The following ECH1 variants were observed in gnomAD, a reference collection of about 807,000 sequenced individuals.
ECH1 encodes enoyl-CoA hydratase 1.
In ECH1, 30 loss-of-function variants were observed where a neutral mutation model predicts 37.0. The observed-to-expected ratio is 0.81, with a 90% CI of 0.61 to 1.10. The LOEUF (loss-of-function observed/expected upper bound fraction) is 1.10, where lower values mean the gene tolerates loss of function less well. Ranked by LOEUF, ECH1 falls within the 50% of genes least tolerant of loss-of-function variation. The pLI, the probability that ECH1 is intolerant of heterozygous loss-of-function variation, is 0.00. For synonymous variants in ECH1, 178 were observed against 176.0 expected (o/e 1.01, Z -0.09); for missense variants, 456 against 441.6 (o/e 1.03, Z -0.29).
intron 3 of ECH1, among the ~76,000 whole-genome samples, chr19:38,818,932 T>TGTGTGTGTGTGTGC (rs144733422): frequency 1.3e-4 from 19 of 142,858 alleles, no homozygotes; most frequent in African/African-American, 5.0e-4. Flanking sequence ...TGTGTGTGTG[T>TGTGTGTGTGTGTGC]GCACTGTTCC....
At position 38,815,874 on chromosome 19, in the gene ECH1, C is replaced by A. The variant is rs767402572; in HGVS notation, c.865G>T (p.Glu289Ter). The A allele has an allele frequency of 6.8e-6, 11 of 1,614,180 alleles. No individual in the cohort carries two copies. The highest frequency in any genetic ancestry group is 1.3e-5 in the African/African-American group (1 of 75,058). The change falls in exon 9 of 10, where the codon GAG (glutamate) becomes TAG (stop). Residue 289 changes from glutamate (E) to a stop codon, truncating the protein, a stop_gained. Coordinates refer to ENST00000221418, the MANE Select transcript of ECH1 (RefSeq NM_001398.3). LOFTEE classifies it low-confidence loss of function (END_TRUNC). ...LLYSRDHSVA[E>*]SLNYVASWNM... The stretch of plus-strand genomic sequence containing the variant: ...CACCTTACCACGTAGTTGAGGCTCT[C>A]GGCCACCGAATGGTCGCGGGAATAC...
Position 38,816,992 on chromosome 19 carries a change from C to T in ECH1, c.588+73G>A, listed in dbSNP as rs2287952. On this transcript the variant is annotated intron_variant, in intron 6 of 9. Transcript: ENST00000221418. Reference sequence around the variant, plus strand: ...AACTCCGACTCTTCCATGAAGCCCTCGAGGCTCACTCCAGGCCCCCCAACC... The same window carrying T: ...AACTCCGACTCTTCCATGAAGCCCTTGAGGCTCACTCCAGGCCCCCCAACC... 1.3e-3 allele frequency: 1,998 copies of T among 1,496,012 alleles called. 32 individuals carry two copies. The East Asian group carries it at 0.025, about 19-fold the overall frequency. The allele number at this position is 1,496,012 out of a possible 1,614,324, so 92.7% of individuals were successfully genotyped here.
intron 2 of ECH1, 22 bp from the exon 3 acceptor site, chr19:38,831,188 G>A: frequency 6.2e-7 from 1 of 1,613,522 alleles, no homozygotes; most frequent in Non-Finnish European, 8.5e-7. Flanking sequence ...CGAGTGAAGG[G>A]TTACAAATGG....
chr19:38,831,785 C>A lies in ECH1; in HGVS notation c.-13G>T, dbSNP rs747455186. 3.1e-6 allele frequency: 5 copies of A among 1,612,510 alleles called. No individual in the cohort carries two copies. In the African/African-American group the frequency reaches 5.3e-5, roughly 17 times the overall value. On this transcript the variant is annotated 5_prime_UTR_variant, in exon 1 of 10. Coordinates refer to ENST00000221418, the MANE Select transcript of ECH1 (RefSeq NM_001398.3). ...TCCCCGCCGCCATCGCCGCCGCCTT[C>A]GTCTACTGCGTTCGGACGGAGTAAC...
intron 3 of ECH1, among the ~76,000 whole-genome samples, chr19:38,828,759 G>T (rs527920189): frequency 1.3e-5 from 2 of 151,862 alleles, no homozygotes; most frequent in African/African-American, 4.8e-5. Context: ...GGGACTAAAG[G>T]TGCCCGCCAC....
chr19:38,817,605 AG>A, intron 3 of ECH1, 30 bp from the exon 4 acceptor site: 2 of 1,563,112 alleles, frequency 1.3e-6, no homozygotes, highest in Non-Finnish European at 8.7e-7. Context: ...GAGCTCATCC[AG>A]GCTCCCAGGC....
In ECH1 at chr19:38,831,761, C is replaced by G; in HGVS notation, c.12G>C (p.Gly4=). 3.1e-6 allele frequency: 5 copies of G among 1,613,390 alleles called. No individual in the cohort carries two copies. Among genetic ancestry groups the G allele is most frequent in the African/African-American group, 1.3e-5 (1 of 75,056 alleles). Residue 4 remains glycine (G), a synonymous_variant, in exon 1 of 10, where the codon GGG becomes GGC. Transcript: ENST00000221418. ...CGCGGAGTCTGCGAGAAGCCACTAT[C>G]CCCGCCGCCATCGCCGCCGCCTTCG... The part of the protein sequence containing the change: MAA[G]IVASRRLRDL...
At chr19:38,831,638 A>C in intron 1 of ECH1, 83 bp downstream of exon 1, 8 of 1,586,896 alleles carry the variant, frequency 5.0e-6, no homozygotes, top group Non-Finnish European at 6.9e-6. Flanking sequence ...GCCCTTCGTG[A>C]CCCCGGATAG....
chr19:38,822,862 CCATGCTA>C (rs1201606290), intron 3 of ECH1: 4 of 152,506 alleles, frequency 2.6e-5, no homozygotes, highest in African/African-American at 4.8e-5. Context: ...ACGTCCCCTT[CCATGCTA>C]TGGAAGCTCT....
At chr19:38,818,081 C>T (rs555944108) in intron 3 of ECH1, 3 of 414,456 alleles carry the variant, frequency 7.2e-6, no homozygotes, top group Non-Finnish European at 9.7e-6. Context: ...TGCTCTTGAA[C>T]TCCTGGGCTC....
intron 3 of ECH1, chr19:38,820,244 TAG>T (rs1475156807): frequency 6.6e-6 from 1 of 152,076 alleles, no homozygotes; most frequent in African/African-American, 2.4e-5. Context: ...ACATTTTTAG[TAG>T]AGACGGGGTT....
chr19:38,824,134 C>G (rs1971704465), intron 3 of ECH1, among the ~76,000 whole-genome samples: 1 of 152,182 alleles, frequency 6.6e-6, no homozygotes, highest in Non-Finnish European at 1.5e-5. Flanking sequence ...GAGATCCCTT[C>G]CCTCCCTCAG....
intron 3 of ECH1, among the ~76,000 whole-genome samples, chr19:38,826,553 T>C (rs1402547518): frequency 6.6e-6 from 1 of 152,202 alleles, no homozygotes; most frequent in Non-Finnish European, 1.5e-5. Flanking sequence ...GAGGCAGTAA[T>C]TTCTCTATAT....
intron 5 of ECH1, 29 bp downstream of exon 5, chr19:38,817,287 C>A: frequency 6.5e-7 from 1 of 1,533,712 alleles, no homozygotes; most frequent in South Asian, 1.2e-5. Context: ...CTGGGGAGCA[C>A]CCGAGCAGGA....
Position 38,831,293 on chromosome 19 carries a change from G to A in ECH1, c.260+16C>T, listed in dbSNP as rs1971818057. The A allele has an allele frequency of 6.2e-7, 1 of 1,607,728 alleles. No individual in the cohort carries two copies. Among genetic ancestry groups the A allele is most frequent in the Non-Finnish European group, 8.5e-7 (1 of 1,175,476 alleles). ...CCTCCCCCCGCAGGCAGGCCTCCAGGATCTGCAGGTCAGACCTCCAGAAGA... is the reference window on the plus strand; with the variant it reads ...CCTCCCCCCGCAGGCAGGCCTCCAGAATCTGCAGGTCAGACCTCCAGAAGA... On this transcript the variant is annotated intron_variant, in intron 2 of 9. Transcript: ENST00000221418.
chr19:38,816,426 C>T, intron 7 of ECH1, 27 bp downstream of exon 7: 1 of 1,613,928 alleles, frequency 6.2e-7, no homozygotes, highest in Non-Finnish European at 8.5e-7. Flanking sequence ...GGTCTCCTGC[C>T]CACACCCCCA....
intron 3 of ECH1, among the ~76,000 whole-genome samples, chr19:38,824,704 G>A (rs1375711898): frequency 6.6e-6 from 1 of 152,130 alleles, no homozygotes; most frequent in Non-Finnish European, 1.5e-5. Flanking sequence ...TTTCATGGAG[G>A]GAGAATACAC....
chr19:38,819,855 G>A (rs1452987766), intron 3 of ECH1, among the ~76,000 whole-genome samples: 2 of 151,984 alleles, frequency 1.3e-5, no homozygotes, highest in Non-Finnish European at 2.9e-5. Context: ...CGGAGGCTGA[G>A]GTGGGCGGAT....
At position 38,817,472 on chromosome 19, in the gene ECH1, C is replaced by G. The variant is rs767480275; in HGVS notation, c.453G>C (p.Glu151Asp). Residue 151 changes from glutamate to aspartate, a missense_variant, in exon 4 of 10, where the codon GAG (glutamate) becomes GAC (aspartate). Coordinates refer to ENST00000221418, the MANE Select transcript of ECH1 (RefSeq NM_001398.3). ...TCACCCTCTCGATGACGTTGAAGGT[C>G]TCCTGGTATCGAGTGATGATGTCAC... ...YLRDIITRYQETFNVIERCPK... is the reference protein window; with the variant it reads ...YLRDIITRYQDTFNVIERCPK... The G allele has an allele frequency of 6.2e-7, 1 of 1,613,910 alleles. No individual in the cohort carries two copies. Among genetic ancestry groups the G allele is most frequent in the Non-Finnish European group, 8.5e-7 (1 of 1,179,924 alleles).
Sources: allele counts gnomAD v4.1 joint callset (sites outside exome capture counted in the v4.1 genomes callset), GRCh38; gene constraint gnomAD v4.1.1; transcripts MANE v1.5; gene names NCBI Gene and HGNC (gene_info 2026-07-23, HGNC 2026-07-21).